Variants in DGKB observed in about 807,000 individuals in gnomAD.
DGKB encodes diacylglycerol kinase beta.
In DGKB, 67 loss-of-function variants were observed where a neutral mutation model predicts 114.3. The ratio of observed to expected loss-of-function variants is 0.59; its 90% CI spans 0.48 to 0.72. The LOEUF is 0.72. Ranked by LOEUF, DGKB falls within the 30% of genes least tolerant of loss-of-function variation. The probability of loss-of-function intolerance (pLI) is 0.00; values close to 1 mark genes in which losing one functional copy is unlikely to be tolerated. For synonymous variants in DGKB, 398 were observed against 323.1 expected, an observed-to-expected ratio of 1.23 and a Z score of -2.49; for missense variants, 907 against 975.2, an observed-to-expected ratio of 0.93 and a Z score of 0.93.
At chr7:14,165,955 C>G (rs915381156) in intron 25 of DGKB, among the ~76,000 whole-genome samples, 5 of 152,180 alleles carry the variant, frequency 3.3e-5, no homozygotes, top group African/African-American at 1.2e-4. Context: ...CCTTTCTGAA[C>G]CTTTTATCCT....
intron 23 of DGKB, among the ~76,000 whole-genome samples, chr7:14,271,091 A>G (rs1798206508): frequency 6.6e-6 from 1 of 152,224 alleles, no homozygotes; most frequent in Non-Finnish European, 1.5e-5. Context: ...TCTTATGAGT[A>G]AATAATAACA....
chr7:14,917,312 C>T (rs1784291487), intron 1 of DGKB, among the ~76,000 whole-genome samples: 1 of 151,562 alleles, frequency 6.6e-6, no homozygotes, highest in Admixed American at 6.6e-5. Context: ...AACATGAAAT[C>T]AATAGCAAAA....
chr7:14,353,654 C>A (rs1468230920), intron 21 of DGKB, among the ~76,000 whole-genome samples: 1 of 152,152 alleles, frequency 6.6e-6, no homozygotes, highest in South Asian at 2.1e-4. Flanking sequence ...CCAAAGCACA[C>A]TCAAAACATA....
intron 15 of DGKB, among the ~76,000 whole-genome samples, chr7:14,619,817 G>C (rs1041805866): frequency 6.6e-6 from 1 of 151,536 alleles, no homozygotes; most frequent in African/African-American, 2.4e-5. Flanking sequence ...TTTATTGAGA[G>C]AATTAAACAA....
chr7:14,585,187 C>T (rs1157954440), intron 17 of DGKB, among the ~76,000 whole-genome samples: 1 of 151,928 alleles, frequency 6.6e-6, no homozygotes, highest in Non-Finnish European at 1.5e-5. Context: ...GATATTTAAC[C>T]TTTGTGAGAC....
chr7:14,927,367 G>T (rs1382361479), intron 1 of DGKB, among the ~76,000 whole-genome samples: 1 of 151,564 alleles, frequency 6.6e-6, no homozygotes, highest in African/African-American at 2.4e-5. Context: ...TAACTTTTTT[G>T]TTTGTTTGCT....
intron 1 of DGKB, among the ~76,000 whole-genome samples, chr7:14,853,458 T>C (rs1049962453): frequency 6.6e-6 from 1 of 151,784 alleles, no homozygotes; most frequent in Non-Finnish European, 1.5e-5. Context: ...TTCTGCTTGA[T>C]AGAATATTAA....
intron 1 of DGKB, among the ~76,000 whole-genome samples, chr7:14,852,962 T>G (rs1849606548): frequency 6.6e-6 from 1 of 152,314 alleles, no homozygotes; most frequent in East Asian, 1.9e-4. Flanking sequence ...GCTAACCAAT[T>G]ATACAATTTT....
chr7:14,359,382 C>T (rs1358042374), intron 21 of DGKB, among the ~76,000 whole-genome samples: 8 of 152,122 alleles, frequency 5.3e-5, no homozygotes, highest in Admixed American at 3.9e-4. Context: ...AAAACCTAGG[C>T]AATACCATTC....
intron 4 of DGKB, among the ~76,000 whole-genome samples, chr7:14,750,554 T>C (rs764503482): frequency 2.0e-5 from 3 of 152,154 alleles, no homozygotes; most frequent in Non-Finnish European, 2.9e-5. Context: ...TTGATTGGAC[T>C]GCTTCCATAA....
chr7:14,356,329 T>C (rs1435839379), intron 21 of DGKB, among the ~76,000 whole-genome samples: 1 of 151,212 alleles, frequency 6.6e-6, no homozygotes, highest in Non-Finnish European at 1.5e-5. Context: ...CTTTCCAATT[T>C]GTTTGCTCTT....
At chr7:14,662,988 C>A (rs560755994) in intron 13 of DGKB, among the ~76,000 whole-genome samples, 1 of 152,010 alleles carries the variant, frequency 6.6e-6, no homozygotes, top group South Asian at 2.1e-4. Context: ...TTAGCACTCA[C>A]CATCAGCTAT....
At chr7:14,537,994 C>T (rs548158138) in intron 20 of DGKB, among the ~76,000 whole-genome samples, 2 of 147,886 alleles carry the variant, frequency 1.4e-5, no homozygotes, top group South Asian at 2.2e-4. Context: ...GCAGGAGAAT[C>T]CCTTGAACCT....
intron 25 of DGKB, among the ~76,000 whole-genome samples, chr7:14,159,773 A>G (rs1167938010): frequency 6.6e-6 from 1 of 152,138 alleles, no homozygotes; most frequent in Non-Finnish European, 1.5e-5. Flanking sequence ...CCTGGGTTCA[A>G]GTGATTCTTC....
At chr7:14,384,783 G>T (rs891305161) in intron 21 of DGKB, among the ~76,000 whole-genome samples, 1 of 152,178 alleles carries the variant, frequency 6.6e-6, no homozygotes, top group Non-Finnish European at 1.5e-5. Context: ...GTTGTCACAA[G>T]TTGGGGTTGG....
At chr7:14,548,737 G>C (rs948667120) in intron 20 of DGKB, among the ~76,000 whole-genome samples, 1 of 152,120 alleles carries the variant, frequency 6.6e-6, no homozygotes, top group Admixed American at 6.6e-5. Flanking sequence ...GCATGGGTTT[G>C]AGAAATCAAG....
intron 21 of DGKB, among the ~76,000 whole-genome samples, chr7:14,405,553 A>G (rs1169361732): frequency 1.3e-5 from 2 of 152,068 alleles, no homozygotes; most frequent in African/African-American, 2.4e-5. Context: ...AGAAATCTGT[A>G]TAATGAATCT....
At chr7:14,676,737 C>T (rs993207304) in intron 12 of DGKB, among the ~76,000 whole-genome samples, 3 of 151,810 alleles carry the variant, frequency 2.0e-5, no homozygotes, top group Non-Finnish European at 4.4e-5. Context: ...TAACCTATAT[C>T]CCAAATCAGC....
chr7:14,608,266 TA>T (rs1433109243), intron 16 of DGKB, among the ~76,000 whole-genome samples: 2 of 151,964 alleles, frequency 1.3e-5, no homozygotes, highest in East Asian at 3.9e-4. Flanking sequence ...ATTCCTGGGA[TA>T]AAAAGTTGGT....
Sources: gnomAD v4.1 joint callset for allele counts (sites outside exome capture counted in the v4.1 genomes callset) on GRCh38, gnomAD v4.1.1 for gene constraint, MANE v1.5 for transcripts, NCBI Gene and HGNC (gene_info 2026-07-23, HGNC 2026-07-21) for gene names.